PPFIA1: variants seen among roughly 807,000 people sequenced by gnomAD.
PPFIA1 encodes PPFI scaffold protein A1.
In PPFIA1, 25 loss-of-function variants were observed where a neutral mutation model predicts 149.9. That is an observed-to-expected ratio of 0.17 (90% confidence interval 0.12 to 0.23). The LOEUF (loss-of-function observed/expected upper bound fraction) is 0.23, where lower values mean the gene tolerates loss of function less well. Ranked by LOEUF, PPFIA1 falls within the 10% of genes least tolerant of loss-of-function variation. The pLI, the probability that PPFIA1 is intolerant of heterozygous loss-of-function variation, is 1.00. For synonymous variants in PPFIA1, 549 were observed against 552.8 expected, an observed-to-expected ratio of 0.99 and a Z score of 0.10; for missense variants, 1,362 against 1,506.5, an observed-to-expected ratio of 0.90 and a Z score of 1.59.
At chr11:70,284,425 A>T (rs1354038665) in intron 2 of PPFIA1, among the ~76,000 whole-genome samples, 1 of 152,130 alleles carries the variant, frequency 6.6e-6, no homozygotes, top group African/African-American at 2.4e-5. Context: ...CAGCAAGGAG[A>T]CAGAGTCCTT....
intron 2 of PPFIA1, among the ~76,000 whole-genome samples, chr11:70,300,273 G>A (rs148747600): frequency 6.6e-6 from 1 of 152,188 alleles, no homozygotes; most frequent in African/African-American, 2.4e-5. Context: ...CTCCTCATAG[G>A]TGCTTTTTCT....
intron 2 of PPFIA1, among the ~76,000 whole-genome samples, chr11:70,285,364 G>A (rs2051038707): frequency 6.6e-6 from 1 of 152,080 alleles, no homozygotes; most frequent in African/African-American, 2.4e-5. Flanking sequence ...TCAAGTGCAT[G>A]GGTTTGGGCT....
intron 26 of PPFIA1, among the ~76,000 whole-genome samples, chr11:70,379,720 T>C (rs2135474482): frequency 6.6e-6 from 1 of 152,180 alleles, no homozygotes; most frequent in East Asian, 1.9e-4. Context: ...CTCTATCACC[T>C]GTATAAAAAT....
intron 2 of PPFIA1, among the ~76,000 whole-genome samples, chr11:70,292,256 TCA>T (rs2051587149): frequency 6.6e-6 from 1 of 152,234 alleles, no homozygotes; most frequent in Non-Finnish European, 1.5e-5. Flanking sequence ...AGTGCTGGAA[TCA>T]CACATGTGAG....
At chr11:70,275,683 C>T (rs1033725540) in intron 2 of PPFIA1, among the ~76,000 whole-genome samples, 14 of 152,302 alleles carry the variant, frequency 9.2e-5, no homozygotes, top group Admixed American at 7.8e-4. Flanking sequence ...CAGTGTACTA[C>T]ATGCAGTGTC....
Position 70,330,265 on chromosome 11 carries a change from C to T in PPFIA1, c.1023C>T (p.Asp341=). The change falls in exon 8 of 28, where the codon GAC becomes GAT. Residue 341 remains aspartate, a synonymous_variant. Coordinates refer to ENST00000253925, the MANE Select transcript of PPFIA1 (RefSeq NM_003626.5). ...AGCGTGAAGCCACATCTGTGCATGA[C>T]CTCAATGATAAACTTGAAAATGAAA... ...AAQREATSVH[D]LNDKLENEIA... is the part of the protein sequence containing the mutation. 6.3e-7 allele frequency: 1 copy of T among 1,587,922 alleles called. No homozygotes were observed. The highest frequency in any genetic ancestry group is 8.5e-7 in the Non-Finnish European group (1 of 1,170,996).
At chr11:70,303,366 G>T (rs72947012) in intron 2 of PPFIA1, among the ~76,000 whole-genome samples, 2 of 152,044 alleles carry the variant, frequency 1.3e-5, no homozygotes, top group Non-Finnish European at 2.9e-5. Flanking sequence ...TAAATGTCAC[G>T]GAAAAAGTTT....
chr11:70,330,105 T>A, intron 7 of PPFIA1, 68 bp from the exon 8 acceptor site: 1 of 1,402,738 alleles, frequency 7.1e-7, no homozygotes, highest in South Asian at 1.3e-5. Flanking sequence ...TTTTTTTCTC[T>A]CTTAAGTATC....
At chr11:70,295,498 G>A (rs1213731697) in intron 2 of PPFIA1, among the ~76,000 whole-genome samples, 3 of 135,632 alleles carry the variant, frequency 2.2e-5, no homozygotes, top group South Asian at 2.4e-4. Context: ...GCGGCTGGCC[G>A]GGTGGGGGGG....
In PPFIA1 at chr11:70,353,314, C is replaced by T. The variant is rs141884895; in HGVS notation, c.2164-987C>T. Among the ~76,000 whole-genome samples the T allele has an allele frequency of 8.5e-4, 130 of 152,290 alleles. 1 individual carries two copies. In the East Asian group the frequency reaches 0.021, roughly 25 times the overall value. On this transcript the variant is annotated intron_variant, in intron 16 of 27. Coordinates refer to ENST00000253925, the MANE Select transcript of PPFIA1 (RefSeq NM_003626.5). ...AGCACAGGAGTTTGAGGCTGCACCG[C>T]ACCATGATCACACCTGCAAATAGCC...
chr11:70,382,865 T>C (rs2057760802), intron 27 of PPFIA1, 138 bp from the exon 28 acceptor site: 1 of 296,480 alleles, frequency 3.4e-6, no homozygotes, highest in Non-Finnish European at 6.3e-6. Context: ...TCAGAGCAGC[T>C]ACGGCACAGA....
intron 2 of PPFIA1, among the ~76,000 whole-genome samples, chr11:70,305,612 C>A (rs1432659145): frequency 1.3e-5 from 2 of 152,192 alleles, no homozygotes; most frequent in African/African-American, 4.8e-5. Flanking sequence ...GTCAAGCAGT[C>A]TGCCTGCCTC....
At chr11:70,343,430 C>T (rs2137125098) in intron 14 of PPFIA1, among the ~76,000 whole-genome samples, 1 of 152,262 alleles carries the variant, frequency 6.6e-6, no homozygotes, top group South Asian at 2.1e-4. Context: ...TGTATTTCGC[C>T]ATGGAAATGC....
At chr11:70,333,599 A>G in intron 10 of PPFIA1, 46 bp downstream of exon 10, 2 of 1,487,894 alleles carry the variant, frequency 1.3e-6, no homozygotes, top group Non-Finnish European at 1.9e-6. Flanking sequence ...GGGTGCTGCA[A>G]GGTCATTGCT....
intron 2 of PPFIA1, among the ~76,000 whole-genome samples, chr11:70,274,674 T>A (rs1383329058): frequency 2.0e-5 from 3 of 152,210 alleles, no homozygotes; most frequent in African/African-American, 4.8e-5. Context: ...TTCCAGTTTT[T>A]ACACGTGCTC....
intron 2 of PPFIA1, among the ~76,000 whole-genome samples, chr11:70,290,645 C>T (rs1172090336): frequency 1.3e-5 from 2 of 152,250 alleles, no homozygotes; most frequent in South Asian, 2.1e-4. Flanking sequence ...GAGTCTCATT[C>T]TTATTCGGAG....
chr11:70,355,774 C>A lies in PPFIA1; in HGVS notation c.2451C>A (p.Gly817=), dbSNP rs145603046. 1 of 1,613,386 alleles carries A rather than the reference C, an allele frequency of 6.2e-7. No individual in the cohort carries two copies. ...IGRLFGKKEK[G]RPGQTGKEAL... is the part of the protein sequence containing the mutation. ...GCTTGTTTGGCAAGAAAGAAAAGGGCCGACCTGGACAAACTGGCAAAGAAG... is the reference window on the plus strand; with the variant it reads ...GCTTGTTTGGCAAGAAAGAAAAGGGACGACCTGGACAAACTGGCAAAGAAG... The change falls in exon 18 of 28, where the codon GGC becomes GGA. Residue 817 remains glycine, a synonymous_variant. Coordinates refer to ENST00000253925, the MANE Select transcript of PPFIA1 (RefSeq NM_003626.5).
intron 25 of PPFIA1, among the ~76,000 whole-genome samples, chr11:70,377,812 A>T (rs894044271): frequency 1.4e-4 from 21 of 152,178 alleles, no homozygotes; most frequent in African/African-American, 5.1e-4. Flanking sequence ...CACCGACCTC[A>T]TTTCGCCAGC....
At chr11:70,360,411 G>A (rs2135198700) in intron 19 of PPFIA1, among the ~76,000 whole-genome samples, 1 of 152,378 alleles carries the variant, frequency 6.6e-6, no homozygotes, top group African/African-American at 2.4e-5. Context: ...AGCGTAAGTT[G>A]GGAACCCTCC....
Sources: allele counts gnomAD v4.1 joint callset (sites outside exome capture counted in the v4.1 genomes callset), GRCh38; gene constraint gnomAD v4.1.1; transcripts MANE v1.5; gene names NCBI Gene and HGNC (gene_info 2026-07-23, HGNC 2026-07-21).